The following SEC23B variants were observed in gnomAD, a reference collection of about 807,000 sequenced individuals.
The protein encoded by SEC23B is SEC23 homolog B, COPII component, also known as protein transport protein Sec23B.
SEC23B carries 77 observed loss-of-function variants against 104.3 expected under a neutral mutation model. The ratio of observed to expected loss-of-function variants is 0.74; its 90% confidence interval spans 0.61 to 0.89. The LOEUF (loss-of-function observed/expected upper bound fraction) is 0.89, where lower values mean the gene tolerates loss of function less well. Ranked by LOEUF, SEC23B falls within the 40% of genes least tolerant of loss-of-function variation. The pLI, the probability that SEC23B is intolerant of heterozygous loss-of-function variation, is 0.00. For synonymous variants in SEC23B, 338 were observed against 332.5 expected, an observed-to-expected ratio of 1.02 and a Z score of -0.18; for missense variants, 885 against 949.4, an observed-to-expected ratio of 0.93 and a Z score of 0.89.
At chr20:18,508,396 C>G (rs115717877) in intron 1 of SEC23B, 4 of 152,284 alleles carry the variant, frequency 2.6e-5, no homozygotes, top group African/African-American at 9.7e-5. Context: ...AAGGGTGGTT[C>G]AGATTTTTTG....
chr20:18,555,203 T>C (rs2060425449), intron 19 of SEC23B, 30 bp downstream of exon 19: 1 of 1,567,222 alleles, frequency 6.4e-7, no homozygotes, highest in South Asian at 1.1e-5. Context: ...TTGGGGAGGA[T>C]GCTAAGCTAG....
chr20:18,533,904 G>A (rs1260621840), intron 11 of SEC23B, among the ~76,000 whole-genome samples: 2 of 152,206 alleles, frequency 1.3e-5, no homozygotes, highest in Non-Finnish European at 2.9e-5. Context: ...TCTTGAAGTA[G>A]TTTAAGAAGG....
chr20:18,542,270 C>T (rs886080118), intron 12 of SEC23B, 26 bp from the exon 13 acceptor site: 2 of 1,600,048 alleles, frequency 1.2e-6, no homozygotes, highest in Non-Finnish European at 1.7e-6. Flanking sequence ...CTATAACAGA[C>T]AAGGTTATGG....
rs55899031 is a variant in SEC23B at position 18,515,892 on chromosome 20, A to G, written c.366+156A>G. 2,963 of 669,148 alleles carry G rather than the reference A, an allele frequency of 4.4e-3. 12 individuals are homozygous for G. The highest frequency in any genetic ancestry group is 7.1e-3 in the Middle Eastern group (26 of 3,670). 41.5% of individuals were successfully genotyped at this position (669,148 alleles called of 1,614,324 possible). Reference sequence around the variant, plus strand: ...GTTTGATGTGTGTGCATCTACTGGCATTGTTTTCAAGTCCTGACATTATAG... The same window carrying G: ...GTTTGATGTGTGTGCATCTACTGGCGTTGTTTTCAAGTCCTGACATTATAG... On this transcript the variant is annotated intron_variant, in intron 4 of 19. Coordinates refer to ENST00000650089, the MANE Select transcript of SEC23B (RefSeq NM_006363.6).
At chr20:18,542,459 G>A in intron 13 of SEC23B, 57 bp downstream of exon 13, 1 of 1,412,920 alleles carries the variant, frequency 7.1e-7, no homozygotes, top group South Asian at 1.1e-5. Context: ...TTCCCTTGAA[G>A]AGATACTTTA....
chr20:18,543,009 G>C lies in SEC23B; in HGVS notation c.1512-10G>C. ...AAACATAAGCATGGCACTAACTCTGGAATTGTCAGTTGGGCAGATGTACAG... is the reference window on the plus strand; with the variant it reads ...AAACATAAGCATGGCACTAACTCTGCAATTGTCAGTTGGGCAGATGTACAG... On this transcript the variant is annotated splice_polypyrimidine_tract_variant and intron_variant, in intron 13 of 19. Transcript: ENST00000650089. 6.2e-7 allele frequency: 1 copy of C among 1,614,064 alleles called. No homozygotes were observed. Among genetic ancestry groups the C allele is most frequent in the Non-Finnish European group, 8.5e-7 (1 of 1,179,986 alleles).
chr20:18,513,923 G>A (rs1180634183), intron 3 of SEC23B, among the ~76,000 whole-genome samples: 4 of 152,178 alleles, frequency 2.6e-5, no homozygotes, highest in African/African-American at 7.2e-5. Context: ...TTAACTGCCT[G>A]TGCCTCAACT....
chr20:18,541,415 G>C (rs965137763), intron 12 of SEC23B, among the ~76,000 whole-genome samples: 14 of 152,232 alleles, frequency 9.2e-5, no homozygotes, highest in African/African-American at 3.4e-4. Context: ...CTAGCTTTCA[G>C]CTATCTTGGC....
chr20:18,542,491 T>C, intron 13 of SEC23B, 89 bp downstream of exon 13: 1 of 1,246,410 alleles, frequency 8.0e-7, no homozygotes, highest in Non-Finnish European at 1.2e-6. Flanking sequence ...TTTGTCTTTT[T>C]GATTCCATTG....
Position 18,513,479 on chromosome 20 carries a change from C to G in SEC23B, c.279+1197C>G, listed in dbSNP as rs552942937. On this transcript the variant is annotated intron_variant, in intron 3 of 19. Transcript: ENST00000650089. The stretch of plus-strand genomic sequence containing the variant: ...ATGAGTGAATTTTATGTTGCGTAAA[C>G]TATACCTCAATAAAGTTGTTAGAAA... Among the ~76,000 whole-genome samples the G allele has an allele frequency of 9.2e-5, 14 of 152,240 alleles. No individual in the cohort carries two copies. In the East Asian group the frequency reaches 2.7e-3, roughly 29 times the overall value.
chr20:18,521,257 T>C (rs1289221047), intron 4 of SEC23B, among the ~76,000 whole-genome samples: 1 of 152,152 alleles, frequency 6.6e-6, no homozygotes, highest in East Asian at 1.9e-4. Flanking sequence ...AGTCCTGTTG[T>C]GGGGTTTAAG....
intron 12 of SEC23B, among the ~76,000 whole-genome samples, chr20:18,535,975 G>A (rs1207597743): frequency 6.6e-6 from 1 of 152,196 alleles, no homozygotes; most frequent in Admixed American, 6.5e-5. Context: ...GTCATTAGAA[G>A]TGTAATAGAT....
intron 4 of SEC23B, among the ~76,000 whole-genome samples, chr20:18,519,551 T>C (rs2060064328): frequency 6.6e-6 from 1 of 152,086 alleles, no homozygotes; most frequent in African/African-American, 2.4e-5. Flanking sequence ...CGCGGTCCCG[T>C]TCCTTGTGTA....
At chr20:18,520,450 G>C (rs573948245) in intron 4 of SEC23B, among the ~76,000 whole-genome samples, 1 of 152,190 alleles carries the variant, frequency 6.6e-6, no homozygotes, top group South Asian at 2.1e-4. Context: ...GTTAAGGTTG[G>C]GGGGTACAAG....
chr20:18,538,253 T>C (rs866195901), intron 12 of SEC23B, among the ~76,000 whole-genome samples: 2,011 of 144,790 alleles, frequency 0.014, 38 homozygotes, highest in African/African-American at 0.039. Context: ...GAATTTCTTT[T>C]TTTTTTTTTT....
chr20:18,520,772 C>T (rs536470370), intron 4 of SEC23B, among the ~76,000 whole-genome samples: 11 of 151,976 alleles, frequency 7.2e-5, no homozygotes, highest in East Asian at 5.8e-4. Flanking sequence ...AAGAAGGCGA[C>T]GGACTTACTC....
chr20:18,521,045 CCGGCACTTGAAGCAAGCTCCTG>C (rs1314511012), intron 4 of SEC23B, among the ~76,000 whole-genome samples: 3 of 152,100 alleles, frequency 2.0e-5, no homozygotes, highest in Non-Finnish European at 4.4e-5. Flanking sequence ...GGCCAGATTT[CCGGCACTTGAAGCAAGCTCCTG>C]CGGGAGGAGG....
At chr20:18,520,358 G>T (rs2060071781) in intron 4 of SEC23B, among the ~76,000 whole-genome samples, 1 of 152,152 alleles carries the variant, frequency 6.6e-6, no homozygotes, top group African/African-American at 2.4e-5. Context: ...ATTGAGCGGG[G>T]TAAGAGTGAT....
In SEC23B at chr20:18,532,845, T is replaced by C. The variant is rs2060199217; in HGVS notation, c.1314+101T>C. On this transcript the variant is annotated intron_variant, in intron 11 of 19. Transcript: ENST00000650089. ...TCACATGTGTCACCTGTTGGATGTG[T>C]CTGCAGTGACAGGAGAAGGGCTAAC... The C allele has an allele frequency of 9.4e-6, 8 of 853,744 alleles. No homozygotes were observed. The Admixed American group carries it at 1.5e-4, about 16-fold the overall frequency. 52.9% of individuals were successfully genotyped at this position (853,744 alleles called of 1,614,324 possible).
Sources: gnomAD v4.1 joint callset for allele counts (sites outside exome capture counted in the v4.1 genomes callset) on GRCh38, gnomAD v4.1.1 for gene constraint, MANE v1.5 for transcripts, NCBI Gene and HGNC (gene_info 2026-07-23, HGNC 2026-07-21) for gene names.